MAPT: variants seen among roughly 807,000 people sequenced by gnomAD.
MAPT encodes microtubule associated protein tau.
A neutral mutation model predicts 67.9 loss-of-function variants in MAPT; 34 were observed. The ratio of observed to expected loss-of-function variants is 0.50; its 90% CI spans 0.38 to 0.67. The LOEUF is 0.67. MAPT is among the 30% of genes least tolerant of loss of function. MAPT has a pLI of 0.00. For synonymous variants in MAPT, 456 were observed against 464.5 expected (o/e 0.98, Z 0.23); for missense variants, 881 against 1,115.2 (o/e 0.79, Z 2.99).
At chr17:45,999,306 A>G (rs1486003992) in intron 9 of MAPT, 1 of 1,613,522 alleles carries the variant, frequency 6.2e-7, no homozygotes, top group Non-Finnish European at 8.5e-7. Context: ...GCCAAGTCTC[A>G]TGCATTTTTG....
chr17:45,930,182 T>G (rs2066713578), intron 1 of MAPT, among the ~76,000 whole-genome samples: 1 of 152,104 alleles, frequency 6.6e-6, no homozygotes, highest in Non-Finnish European at 1.5e-5. Flanking sequence ...GATTGATCAC[T>G]CGATGCCAGG....
At chr17:45,928,789 G>A (rs897502421) in intron 1 of MAPT, among the ~76,000 whole-genome samples, 7 of 152,194 alleles carry the variant, frequency 4.6e-5, no homozygotes, top group South Asian at 2.1e-4. Context: ...TCCGCCTCTC[G>A]GGTTCACACC....
intron 1 of MAPT, among the ~76,000 whole-genome samples, chr17:45,927,661 G>A (rs1200465247): frequency 6.6e-6 from 1 of 151,982 alleles, no homozygotes; most frequent in Non-Finnish European, 1.5e-5. Context: ...ACCCCCTTCA[G>A]TCAACCACCC....
chr17:45,984,467 C>T (rs140588915), intron 5 of MAPT, among the ~76,000 whole-genome samples: 3 of 152,350 alleles, frequency 2.0e-5, no homozygotes, highest in Non-Finnish European at 2.9e-5. Context: ...CATCCCACAA[C>T]GCCTCCCAGG....
intron 1 of MAPT, among the ~76,000 whole-genome samples, chr17:45,904,302 T>TATATATAAAAAC (rs2064088810): frequency 2.2e-5 from 1 of 45,538 alleles, no homozygotes; most frequent in Admixed American, 4.0e-4. Context: ...TAATATATAA[T>TATATATAAAAAC]ATATATAAAA....
chr17:45,994,043 G>T, intron 8 of MAPT: 1 of 1,476,450 alleles, frequency 6.8e-7, no homozygotes, highest in East Asian at 2.5e-5. Context: ...ACTGGCTTGT[G>T]TTTCTAGAGC....
chr17:45,982,746 C>G (rs1159144816), intron 4 of MAPT, 120 bp from the exon 5 acceptor site: 1 of 331,396 alleles, frequency 3.0e-6, no homozygotes, highest in Non-Finnish European at 4.5e-6. Flanking sequence ...GTGCTCCCAT[C>G]TCTTTGTTAG....
chr17:45,904,336 TTA>T lies in MAPT; in HGVS notation c.-18+9660_-18+9661del, dbSNP rs1423183040. ...AAACATATATAATATATATTATATA[TTA>T]TATATATATTATATATATTATATAT... On this transcript the variant is annotated intron_variant, in intron 1 of 12. Coordinates refer to ENST00000262410, the MANE Select transcript of MAPT (RefSeq NM_001377265.1). 8.9e-3 allele frequency among the ~76,000 whole-genome samples: 734 copies of T among 82,556 alleles called. 34 individuals carry two copies. The highest frequency in any genetic ancestry group is 0.026 in the African/African-American group (535 of 20,690). 54.2% of individuals were successfully genotyped at this position (82,556 alleles called of 152,430 possible). A position where few individuals can be genotyped will look rare whatever the true frequency, so the allele number is the denominator to read the frequency against.
At position 46,024,191 on chromosome 17, in the gene MAPT, A is replaced by G; in HGVS notation, c.*20A>G. On this transcript the variant is annotated 3_prime_UTR_variant, in exon 13 of 13. Coordinates refer to ENST00000262410, the MANE Select transcript of MAPT (RefSeq NM_001377265.1). ...TTGTGATCAGGCCCCTGGGGCGGTC[A>G]ATAATTGTGGAGAGGAGAGAATGAG... 1 of 1,605,986 alleles carries G rather than the reference A, an allele frequency of 6.2e-7. No individual in the cohort carries two copies. The highest frequency in any genetic ancestry group is 8.5e-7 in the Non-Finnish European group (1 of 1,172,872).
At chr17:45,981,590 G>A (rs578246714) in intron 4 of MAPT, among the ~76,000 whole-genome samples, 2 of 152,258 alleles carry the variant, frequency 1.3e-5, no homozygotes, top group East Asian at 1.9e-4. Flanking sequence ...TCTGAATGGG[G>A]CTTCTTTTTC....
At chr17:45,955,008 C>A (rs1414672177) in intron 1 of MAPT, among the ~76,000 whole-genome samples, 5 of 151,334 alleles carry the variant, frequency 3.3e-5, no homozygotes, top group South Asian at 2.1e-4. Context: ...AAAACAAAAA[C>A]AAAAAAAAAT....
intron 8 of MAPT, among the ~76,000 whole-genome samples, chr17:45,994,364 G>A (rs1288856298): frequency 1.3e-5 from 2 of 152,152 alleles, no homozygotes; most frequent in East Asian, 3.9e-4. Flanking sequence ...GGTCACCCTG[G>A]GTCTCTGAAG....
chr17:46,001,366 AAG>A (rs1435026397), intron 9 of MAPT, among the ~76,000 whole-genome samples: 2 of 152,212 alleles, frequency 1.3e-5, no homozygotes, highest in Non-Finnish European at 2.9e-5. Flanking sequence ...GGAGGGGAAA[AAG>A]AGTACAAGAA....
At chr17:46,009,589 G>GTCC (rs2146006146) in intron 9 of MAPT, among the ~76,000 whole-genome samples, 1 of 112,930 alleles carries the variant, frequency 8.9e-6, no homozygotes, top group South Asian at 2.4e-4. Context: ...TGGATGGAAG[G>GTCC]AGAAGGCACA....
rs569491588 is a variant in MAPT at position 45,955,256 on chromosome 17, C to A, written c.-17-7065C>A. ...GTCCAAGCCCACCTCTAGCATAATA[C>A]GAGCTTTTAATCCCTCTCCCTGACC... On this transcript the variant is annotated intron_variant, in intron 1 of 12. Transcript: ENST00000262410. Among the ~76,000 whole-genome samples, 13 of 152,296 alleles carry A rather than the reference C, an allele frequency of 8.5e-5. No individual in the cohort carries two copies. The East Asian group carries it at 2.5e-3, about 29-fold the overall frequency.
At chr17:45,953,999 T>C (rs1324362700) in intron 1 of MAPT, among the ~76,000 whole-genome samples, 1 of 152,172 alleles carries the variant, frequency 6.6e-6, no homozygotes, top group African/African-American at 2.4e-5. Context: ...TAAGACCGAT[T>C]CACAGTTTTT....
intron 3 of MAPT, chr17:45,974,395 ACCCTTAGTG>A: frequency 6.2e-7 from 1 of 1,607,390 alleles, no homozygotes; most frequent in Middle Eastern, 1.7e-4. Context: ...ATGTGACAGC[ACCCTTAGTG>A]GATGAGGGAG....
intron 1 of MAPT, among the ~76,000 whole-genome samples, chr17:45,956,843 T>C (rs56279806): frequency 0.14 from 21,247 of 150,162 alleles, 2,050 homozygotes; most frequent in Non-Finnish European, 0.21. Context: ...GAGAACATGC[T>C]GTGTTTGGTT....
chr17:45,965,385 G>A (rs575722231), intron 2 of MAPT, among the ~76,000 whole-genome samples: 33 of 151,556 alleles, frequency 2.2e-4, no homozygotes, highest in African/African-American at 6.5e-4. Flanking sequence ...AGCCAAGATC[G>A]TGCCACTGCA....
Sources: allele counts gnomAD v4.1 joint callset (sites outside exome capture counted in the v4.1 genomes callset), GRCh38; gene constraint gnomAD v4.1.1; transcripts MANE v1.5; gene names NCBI Gene and HGNC (gene_info 2026-07-23, HGNC 2026-07-21).